LINGO2: variants seen among roughly 807,000 people sequenced by gnomAD.
LINGO2 encodes the protein leucine rich repeat and Ig domain containing 2.
LINGO2 carries 14 observed loss-of-function variants against 30.6 expected under a neutral mutation model. The ratio of observed to expected loss-of-function variants is 0.46; its 90% CI spans 0.30 to 0.72. The LOEUF (loss-of-function observed/expected upper bound fraction) is 0.72, where lower values mean the gene tolerates loss of function less well. Ranked by LOEUF, LINGO2 falls within the 30% of genes least tolerant of loss-of-function variation. The pLI is 0.07. For synonymous variants in LINGO2, 317 were observed against 288.5 expected (o/e 1.10, Z -1.00); for missense variants, 729 against 751.7 (o/e 0.97, Z 0.35).
the LINGO2 span, among the ~76,000 whole-genome samples, chr9:28,866,105 C>T: frequency 6.6e-6 from 1 of 152,028 alleles, no homozygotes; most frequent in African/African-American, 2.4e-5. Flanking sequence ...AAAATTTTCC[C>T]ACATTTTCTG....
At chr9:29,213,169 G>A in the LINGO2 span, among the ~76,000 whole-genome samples, 1 of 152,110 alleles carries the variant, frequency 6.6e-6, no homozygotes, top group African/African-American at 2.4e-5. Flanking sequence ...CCCCTCCTGG[G>A]CCAACTTGGC....
intron 4 of LINGO2, among the ~76,000 whole-genome samples, chr9:28,111,278 C>T (rs1427272318): frequency 1.3e-5 from 2 of 152,028 alleles, no homozygotes; most frequent in African/African-American, 4.8e-5. Context: ...GGAGAAATAC[C>T]TAACACATGT....
the LINGO2 span, among the ~76,000 whole-genome samples, chr9:29,078,748 G>A: frequency 1.3e-5 from 2 of 151,888 alleles, no homozygotes; most frequent in African/African-American, 4.8e-5. Context: ...TATTAAGCCA[G>A]GTGGACAAAA....
At chr9:29,090,523 C>G in the LINGO2 span, among the ~76,000 whole-genome samples, 8 of 151,986 alleles carry the variant, frequency 5.3e-5, no homozygotes, top group Non-Finnish European at 8.8e-5. Context: ...GTTATTGGCA[C>G]AGATCAAGTC....
At chr9:28,676,454 A>C in the LINGO2 span, among the ~76,000 whole-genome samples, 1 of 152,304 alleles carries the variant, frequency 6.6e-6, no homozygotes, top group South Asian at 2.1e-4. Flanking sequence ...ATGTTGTCAT[A>C]AACCATACCA....
chr9:28,678,152 A>AAC, the LINGO2 span, among the ~76,000 whole-genome samples: 1 of 151,424 alleles, frequency 6.6e-6, no homozygotes, highest in Non-Finnish European at 1.5e-5. Flanking sequence ...TTAAAAAAAA[A>AAC]AAAAAAACTT....
intron 4 of LINGO2, among the ~76,000 whole-genome samples, chr9:28,029,750 C>T (rs1823573139): frequency 1.3e-5 from 2 of 152,100 alleles, no homozygotes; most frequent in Admixed American, 6.6e-5. Flanking sequence ...TCATAGGGTG[C>T]TGATATTATA....
chr9:28,815,409 T>C, the LINGO2 span, among the ~76,000 whole-genome samples: 1 of 152,258 alleles, frequency 6.6e-6, no homozygotes, highest in African/African-American at 2.4e-5. Flanking sequence ...GGAGATGGGA[T>C]TTAGAGCACA....
the LINGO2 span, among the ~76,000 whole-genome samples, chr9:28,895,716 C>G: frequency 6.6e-6 from 1 of 151,972 alleles, no homozygotes; most frequent in East Asian, 1.9e-4. Flanking sequence ...TTGACAGAAC[C>G]TAAGTGTTAC....
intron 1 of LINGO2, among the ~76,000 whole-genome samples, chr9:28,574,090 T>C (rs1472907910): frequency 6.6e-6 from 1 of 152,148 alleles, no homozygotes; most frequent in East Asian, 1.9e-4. Flanking sequence ...AAATCAGACA[T>C]CGAAAGAATG....
chr9:29,029,580 A>G, the LINGO2 span, among the ~76,000 whole-genome samples: 1 of 152,144 alleles, frequency 6.6e-6, no homozygotes, highest in African/African-American at 2.4e-5. Flanking sequence ...TTGATAGAGG[A>G]TGAGAAAAAC....
chr9:28,558,878 A>C (rs998329942), intron 1 of LINGO2, among the ~76,000 whole-genome samples: 3 of 152,064 alleles, frequency 2.0e-5, no homozygotes, highest in East Asian at 1.9e-4. Context: ...TGGTATTCCC[A>C]AAAAAAGAAT....
the LINGO2 span, among the ~76,000 whole-genome samples, chr9:29,030,452 G>A: frequency 4.6e-5 from 7 of 152,110 alleles, no homozygotes; most frequent in Non-Finnish European, 7.4e-5. Flanking sequence ...TCGGTTCCAT[G>A]ATTCTCTCCA....
the LINGO2 span, among the ~76,000 whole-genome samples, chr9:28,752,787 G>GA: frequency 2.7e-4 from 41 of 152,026 alleles, no homozygotes; most frequent in Non-Finnish European, 4.9e-4. Flanking sequence ...GCTTTATACA[G>GA]AAAAAAAGTG....
At chr9:28,621,910 A>G (rs926151603) in intron 1 of LINGO2, among the ~76,000 whole-genome samples, 2 of 152,104 alleles carry the variant, frequency 1.3e-5, no homozygotes, top group Non-Finnish European at 2.9e-5. Context: ...CCTGACACTG[A>G]GACACAAAAC....
At chr9:29,045,979 TAATTTTGTATCCTGC>T in the LINGO2 span, among the ~76,000 whole-genome samples, 1 of 152,206 alleles carries the variant, frequency 6.6e-6, no homozygotes, top group African/African-American at 2.4e-5. Context: ...TATTGTATAT[TAATTTTGTATCCTGC>T]AACTTTGCTG....
At chr9:28,057,178 T>C (rs186636458) in intron 4 of LINGO2, among the ~76,000 whole-genome samples, 2 of 152,298 alleles carry the variant, frequency 1.3e-5, no homozygotes, top group East Asian at 1.9e-4. Flanking sequence ...TCTACTAAGA[T>C]GCTGGCTACA....
the LINGO2 span, among the ~76,000 whole-genome samples, chr9:28,934,352 G>C: frequency 6.6e-6 from 1 of 152,188 alleles, no homozygotes; most frequent in African/African-American, 2.4e-5. Flanking sequence ...CTTAGAAAGA[G>C]CCTGAAAATG....
the LINGO2 span, among the ~76,000 whole-genome samples, chr9:28,844,585 G>A: frequency 6.6e-6 from 1 of 151,700 alleles, no homozygotes; most frequent in Admixed American, 6.6e-5. Flanking sequence ...ATCCTGAGCT[G>A]ATTTTTTGTT....
Sources: allele counts gnomAD v4.1 joint callset (sites outside exome capture counted in the v4.1 genomes callset), GRCh38; gene constraint gnomAD v4.1.1; transcripts MANE v1.5; gene names NCBI Gene and HGNC (gene_info 2026-07-23, HGNC 2026-07-21).